SLC25A26: variants seen among roughly 807,000 people sequenced by gnomAD.
SLC25A26 encodes mitochondrial S-adenosylmethionine carrier protein.
A neutral mutation model predicts 37.8 loss-of-function variants in SLC25A26; 36 were observed. The observed-to-expected ratio is 0.95, with a 90% confidence interval of 0.73 to 1.26. The LOEUF is 1.26. SLC25A26 is among the 50% of genes most tolerant of loss of function. SLC25A26 has a pLI of 0.00. For missense variants in SLC25A26, 390 were observed against 331.1 expected, an observed-to-expected ratio of 1.18 and a Z score of -1.38; for synonymous variants, 129 against 122.5, an observed-to-expected ratio of 1.05 and a Z score of -0.35.
In SLC25A26 at chr3:66,252,898, A is replaced by G. The variant is rs2073139553; in HGVS notation, c.301-9153A>G. On this transcript the variant is annotated intron_variant, in intron 3 of 9. Coordinates refer to ENST00000354883, the MANE Select transcript of SLC25A26 (RefSeq NM_001379210.1). ...AGCACCTCTGTTTTCTTTTTCATGT[A>G]GTATTTAAAAAATGGCAGAAGTAGC... Among the ~76,000 whole-genome samples the G allele has an allele frequency of 2.0e-5, 3 of 152,196 alleles. No homozygotes were observed. The South Asian group carries it at 6.2e-4, about 32-fold the overall frequency.
chr3:66,351,147 C>G (rs979214641), intron 6 of SLC25A26, among the ~76,000 whole-genome samples: 8 of 152,086 alleles, frequency 5.3e-5, no homozygotes, highest in African/African-American at 1.9e-4. Flanking sequence ...TGGCTTAATG[C>G]CCTTGAGGAG....
chr3:66,356,018 C>T (rs1296994829), intron 6 of SLC25A26: 1 of 456,000 alleles, frequency 2.2e-6, no homozygotes, highest in African/African-American at 2.0e-5. Context: ...AGTAAAATAT[C>T]ATCATCTTGT....
chr3:66,333,528 A>G (rs1384306028), intron 5 of SLC25A26, among the ~76,000 whole-genome samples: 1 of 152,104 alleles, frequency 6.6e-6, no homozygotes, highest in African/African-American at 2.4e-5. Flanking sequence ...TCCGACTCAT[A>G]CTGGCCTTTC....
intron 5 of SLC25A26, among the ~76,000 whole-genome samples, chr3:66,302,320 A>T (rs762347355): frequency 5.3e-5 from 8 of 152,112 alleles, no homozygotes; most frequent in Non-Finnish European, 5.9e-5. Flanking sequence ...TTCATATACA[A>T]CTCCAGTTAT....
intron 6 of SLC25A26, among the ~76,000 whole-genome samples, chr3:66,353,700 G>A (rs1342164382): frequency 2.6e-5 from 4 of 152,188 alleles, no homozygotes; most frequent in Non-Finnish European, 5.9e-5. Flanking sequence ...CCTCTCCCCA[G>A]TATCCGTTGA....
intron 1 of SLC25A26, among the ~76,000 whole-genome samples, chr3:66,176,421 A>G (rs2070587744): frequency 6.6e-6 from 1 of 152,210 alleles, no homozygotes. Flanking sequence ...TAGAAGTGAC[A>G]GTCCTTGCTT....
At chr3:66,294,621 G>A (rs1303902967) in intron 5 of SLC25A26, among the ~76,000 whole-genome samples, 1 of 152,100 alleles carries the variant, frequency 6.6e-6, no homozygotes, top group Non-Finnish European at 1.5e-5. Context: ...TGTTTGGAAG[G>A]CTCTGTGTGA....
At chr3:66,315,999 T>C (rs1054439452) in intron 5 of SLC25A26, among the ~76,000 whole-genome samples, 1 of 152,222 alleles carries the variant, frequency 6.6e-6, no homozygotes, top group Non-Finnish European at 1.5e-5. Context: ...TTTGAGCCTA[T>C]GTGTGTCTTT....
At chr3:66,349,311 T>G (rs1474644958) in intron 6 of SLC25A26, among the ~76,000 whole-genome samples, 1 of 152,188 alleles carries the variant, frequency 6.6e-6, no homozygotes, top group East Asian at 1.9e-4. Flanking sequence ...TGAGTTTCAA[T>G]AAATGTTTAT....
At chr3:66,372,284 C>T (rs1700390860) in intron 9 of SLC25A26, among the ~76,000 whole-genome samples, 1 of 152,158 alleles carries the variant, frequency 6.6e-6, no homozygotes, top group African/African-American at 2.4e-5. Context: ...TTGACCTTAG[C>T]TTTGTGGAGC....
At chr3:66,334,127 G>A (rs1469044348) in intron 5 of SLC25A26, among the ~76,000 whole-genome samples, 1 of 152,108 alleles carries the variant, frequency 6.6e-6, no homozygotes, top group East Asian at 1.9e-4. Context: ...AAGACCTATA[G>A]GAGTGATATA....
chr3:66,253,235 G>C (rs933313278), intron 3 of SLC25A26, among the ~76,000 whole-genome samples: 1 of 151,058 alleles, frequency 6.6e-6, no homozygotes, highest in East Asian at 1.9e-4. Flanking sequence ...GTGAAAGCTT[G>C]TCTCTAAAAA....
At chr3:66,143,386 T>A (rs138559138) in intron 1 of SLC25A26, among the ~76,000 whole-genome samples, 27 of 152,346 alleles carry the variant, frequency 1.8e-4, no homozygotes, top group African/African-American at 6.0e-4. Context: ...GTGACAATTC[T>A]GTTGAACTTA....
In SLC25A26 at chr3:66,377,839, AAG is replaced by A. The variant is rs745374843; in HGVS notation, c.*37_*38del. 48 of 1,534,594 alleles carry A rather than the reference AAG, an allele frequency of 3.1e-5. No homozygotes were observed. In the East Asian group the frequency reaches 3.4e-4, roughly 11 times the overall value. ...GACAAGCCTCACCTCCACTTCTGTCAAGAGAGGGGCCTGCAGTGCAAACCCTC... is the reference window on the plus strand; with the variant it reads ...GACAAGCCTCACCTCCACTTCTGTCAAGAGGGGCCTGCAGTGCAAACCCTC... On this transcript the variant is annotated 3_prime_UTR_variant, in exon 10 of 10. Coordinates refer to ENST00000354883, the MANE Select transcript of SLC25A26 (RefSeq NM_001379210.1).
chr3:66,312,520 C>T (rs981820378), intron 5 of SLC25A26, among the ~76,000 whole-genome samples: 9 of 146,804 alleles, frequency 6.1e-5, no homozygotes, highest in African/African-American at 2.1e-4. Flanking sequence ...TTCCAGGTGT[C>T]ACTGGGTACG....
At chr3:66,233,804 T>C (rs2072145013) in intron 1 of SLC25A26, among the ~76,000 whole-genome samples, 1 of 152,196 alleles carries the variant, frequency 6.6e-6, no homozygotes, top group Non-Finnish European at 1.5e-5. Context: ...ACCAGACAAG[T>C]AAATTGAATC....
intron 5 of SLC25A26, among the ~76,000 whole-genome samples, chr3:66,300,251 G>GTTTTTTTTTTTTTTTTTTTTTTT (rs1309490705): frequency 9.0e-6 from 1 of 111,616 alleles, no homozygotes; most frequent in Non-Finnish European, 1.9e-5. Flanking sequence ...GGGTTTTTTT[G>GTTTTTTTTTTTTTTTTTTTTTTT]TTTTGTTTTT....
chr3:66,152,942 A>G (rs1233008834), intron 1 of SLC25A26, among the ~76,000 whole-genome samples: 1 of 152,198 alleles, frequency 6.6e-6, no homozygotes, highest in Non-Finnish European at 1.5e-5. Context: ...TTTTACAAAT[A>G]TAGATGTCTA....
At chr3:66,282,763 A>G (rs1025184904) in intron 5 of SLC25A26, among the ~76,000 whole-genome samples, 2 of 152,194 alleles carry the variant, frequency 1.3e-5, no homozygotes, top group South Asian at 2.1e-4. Context: ...CAGCGTACGT[A>G]TAGATTTGTA....
Sources: gnomAD v4.1 joint callset for allele counts (sites outside exome capture counted in the v4.1 genomes callset) on GRCh38, gnomAD v4.1.1 for gene constraint, MANE v1.5 for transcripts, NCBI Gene and HGNC (gene_info 2026-07-23, HGNC 2026-07-21) for gene names.